MTTP: variants seen among roughly 807,000 people sequenced by gnomAD.
MTTP encodes microsomal triglyceride transfer protein.
A neutral mutation model predicts 90.6 loss-of-function variants in MTTP; 49 were observed. That is an observed-to-expected ratio of 0.54 (90% confidence interval 0.43 to 0.69). The LOEUF is 0.69. Among genes scored for constraint, MTTP ranks in the 30% least tolerant of loss-of-function variants. MTTP has a pLI of 0.00. For synonymous variants in MTTP, 347 were observed against 384.2 expected, an observed-to-expected ratio of 0.90 and a Z score of 1.13; for missense variants, 945 against 1,067.5, an observed-to-expected ratio of 0.89 and a Z score of 1.60.
intron 17 of MTTP, 61 bp downstream of exon 17, chr4:99,621,292 T>C: frequency 6.4e-7 from 1 of 1,562,976 alleles, no homozygotes; most frequent in Non-Finnish European, 8.8e-7. Flanking sequence ...GAACTTGCAT[T>C]CAGTTTAGAA....
At chr4:99,586,918 A>G (rs1351549805) in intron 3 of MTTP, among the ~76,000 whole-genome samples, 2 of 152,030 alleles carry the variant, frequency 1.3e-5, no homozygotes, top group Admixed American at 1.3e-4. Context: ...TGGGTTAAAG[A>G]CTTCGTTTGT....
At chr4:99,567,035 T>C (rs917737963) in intron 1 of MTTP, among the ~76,000 whole-genome samples, 3 of 152,178 alleles carry the variant, frequency 2.0e-5, no homozygotes, top group Admixed American at 6.5e-5. Flanking sequence ...TTTTTAAACA[T>C]GACTTGAAAG....
intron 3 of MTTP, among the ~76,000 whole-genome samples, chr4:99,587,621 G>A (rs1725289550): frequency 2.0e-5 from 3 of 152,142 alleles, no homozygotes; most frequent in Admixed American, 6.6e-5. Context: ...GAAGGAAAGT[G>A]ACATAGTGGT....
intron 1 of MTTP, among the ~76,000 whole-genome samples, chr4:99,567,988 G>T (rs555447916): frequency 6.6e-6 from 1 of 152,118 alleles, no homozygotes; most frequent in African/African-American, 2.4e-5. Flanking sequence ...AAAAGTGGAT[G>T]AAAACTGTAA....
At position 99,613,094 on chromosome 4, in the gene MTTP, C is replaced by G. The variant is rs763312030; in HGVS notation, c.2171C>G (p.Pro724Arg). The change falls in exon 15 of 18, where the codon CCT (proline) becomes CGT (arginine). Residue 724 changes from proline (P) to arginine (R), a missense_variant. Coordinates refer to ENST00000265517, the MANE Select transcript of MTTP (RefSeq NM_001386140.1). ...AAAATGCTGTCAGCATCTGGCGACC[C>G]TATCAGTGTGGTGAAAGGACTTATT... ...MSKMLSASGD[P>R]ISVVKGLILL... 2 of 1,613,984 alleles carry G rather than the reference C, an allele frequency of 1.2e-6. No individual in the cohort carries two copies. The highest frequency in any genetic ancestry group is 1.7e-6 in the Non-Finnish European group (2 of 1,179,940).
At chr4:99,596,818 G>T (rs1427296842) in intron 7 of MTTP, among the ~76,000 whole-genome samples, 1 of 152,066 alleles carries the variant, frequency 6.6e-6, no homozygotes, top group Non-Finnish European at 1.5e-5. Context: ...GTTAATTATT[G>T]CCCTAGGATC....
intron 3 of MTTP, chr4:99,583,730 T>G: frequency 1.6e-6 from 1 of 632,702 alleles, no homozygotes; most frequent in East Asian, 2.7e-5. Context: ...TGTTTCCTAT[T>G]TTTCTGGAAA....
At chr4:99,609,621 C>T (rs895543414) in intron 12 of MTTP, among the ~76,000 whole-genome samples, 1 of 151,702 alleles carries the variant, frequency 6.6e-6, no homozygotes, top group Non-Finnish European at 1.5e-5. Flanking sequence ...ACACTACCCC[C>T]ACGAAAGATC....
chr4:99,572,770 T>G (rs886821328), upstream of MTTP, among the ~76,000 whole-genome samples: 1 of 152,094 alleles, frequency 6.6e-6, no homozygotes, highest in African/African-American at 2.4e-5. Flanking sequence ...GCATACTTCT[T>G]CGATACACAG....
At chr4:99,600,874 C>T in intron 9 of MTTP, 141 bp downstream of exon 9, 1 of 804,524 alleles carries the variant, frequency 1.2e-6, no homozygotes. Flanking sequence ...GGGGTATTTT[C>T]TATCCACTAA....
chr4:99,585,465 T>C (rs574319777), intron 3 of MTTP, among the ~76,000 whole-genome samples: 1 of 152,304 alleles, frequency 6.6e-6, no homozygotes, highest in African/African-American at 2.4e-5. Context: ...TTTGGTTGAC[T>C]TGTAGTGTTC....
chr4:99,608,989 T>C lies in MTTP; in HGVS notation c.1769+12T>C, dbSNP rs767162951. The C allele has an allele frequency of 1.9e-6, 3 of 1,603,658 alleles. No homozygotes were observed. Among genetic ancestry groups the C allele is most frequent in the Admixed American group, 1.7e-5 (1 of 60,000 alleles). On this transcript the variant is annotated intron_variant, in intron 12 of 17. Coordinates refer to ENST00000265517, the MANE Select transcript of MTTP (RefSeq NM_001386140.1). ...GAAATGCCTGCAAGGTATAATACATTGCACATGTCTCTCTGTGTATTCAAG... is the reference window on the plus strand; with the variant it reads ...GAAATGCCTGCAAGGTATAATACATCGCACATGTCTCTCTGTGTATTCAAG...
Position 99,602,440 on chromosome 4 carries a change from T to C in MTTP, c.1344+726T>C, listed in dbSNP as rs1725721716. On this transcript the variant is annotated intron_variant, in intron 10 of 17. Coordinates refer to ENST00000265517, the MANE Select transcript of MTTP (RefSeq NM_001386140.1). Reference sequence around the variant, plus strand: ...TATATAACAACATAGTCTTTTTTTCTGTCCACATTATACAGCCAGTGTCCC... The same window carrying C: ...TATATAACAACATAGTCTTTTTTTCCGTCCACATTATACAGCCAGTGTCCC... 2.0e-5 allele frequency among the ~76,000 whole-genome samples: 3 copies of C among 152,156 alleles called. 1 individual carries two copies. In the South Asian group the frequency reaches 6.2e-4, roughly 32 times the overall value.
At chr4:99,590,145 G>C (rs554697195) in intron 4 of MTTP, among the ~76,000 whole-genome samples, 1 of 152,184 alleles carries the variant, frequency 6.6e-6, no homozygotes, top group South Asian at 2.1e-4. Flanking sequence ...GCCCAGGCTG[G>C]AGTGCAATGG....
At chr4:99,581,424 A>G (rs1252322089) in intron 1 of MTTP, among the ~76,000 whole-genome samples, 1 of 152,220 alleles carries the variant, frequency 6.6e-6, no homozygotes, top group Non-Finnish European at 1.5e-5. Flanking sequence ...CACTGAAGAG[A>G]TGTTTCTTAA....
chr4:99,567,323 C>T (rs978296361), intron 1 of MTTP, among the ~76,000 whole-genome samples: 2 of 152,020 alleles, frequency 1.3e-5, no homozygotes, highest in African/African-American at 4.8e-5. Flanking sequence ...ATAGCTATAA[C>T]ATAACTAGGT....
In MTTP at chr4:99,574,990, T is replaced by G; in HGVS notation, c.61+20T>G. The G allele has an allele frequency of 6.2e-7, 1 of 1,613,382 alleles. No homozygotes were observed. The highest frequency in any genetic ancestry group is 1.1e-5 in the South Asian group (1 of 91,062). ...TTAAAGGTAAGTTTGTGTTGCCTTTTGCTAAACTTTAATTTCCATCTTTGG... is the reference window on the plus strand; with the variant it reads ...TTAAAGGTAAGTTTGTGTTGCCTTTGGCTAAACTTTAATTTCCATCTTTGG... On this transcript the variant is annotated intron_variant, in intron 1 of 17. Transcript: ENST00000265517.
intron 1 of MTTP, 53 bp downstream of exon 1, chr4:99,575,023 GGCAGATAC>G (rs1283763034): frequency 3.2e-6 from 5 of 1,582,094 alleles, no homozygotes; most frequent in Non-Finnish European, 3.5e-6. Flanking sequence ...TGGAGTTGGA[GGCAGATAC>G]GTGCGTGTGT....
intron 3 of MTTP, among the ~76,000 whole-genome samples, chr4:99,587,112 T>C (rs1414047986): frequency 6.6e-6 from 1 of 152,220 alleles, no homozygotes; most frequent in Non-Finnish European, 1.5e-5. Context: ...ATTATTGCTG[T>C]GACAGCCATG....
Sources: allele counts gnomAD v4.1 joint callset (sites outside exome capture counted in the v4.1 genomes callset), GRCh38; gene constraint gnomAD v4.1.1; transcripts MANE v1.5; gene names NCBI Gene and HGNC (gene_info 2026-07-23, HGNC 2026-07-21).